KIF26B: variants seen among roughly 807,000 people sequenced by gnomAD.
KIF26B encodes the protein kinesin family member 26B, also known as kinesin-like protein KIF26B.
Under a neutral mutation model 151.2 loss-of-function variants are expected in KIF26B, and 63 were observed. That is an observed-to-expected ratio of 0.42 (90% CI 0.34 to 0.51). The LOEUF is 0.51. KIF26B is among the 20% of genes least tolerant of loss of function. The pLI, the probability that KIF26B is intolerant of heterozygous loss-of-function variation, is 0.07. For missense variants in KIF26B, 2,813 were observed against 2,913.6 expected, an observed-to-expected ratio of 0.97 and a Z score of 0.79; for synonymous variants, 1,357 against 1,262.1, an observed-to-expected ratio of 1.08 and a Z score of -1.59.
intron 2 of KIF26B, among the ~76,000 whole-genome samples, chr1:245,283,833 G>A (rs867411030): frequency 7.9e-5 from 12 of 152,040 alleles, no homozygotes; most frequent in Non-Finnish European, 1.5e-4. Context: ...GACTACAGGT[G>A]CCCACCACCA....
At chr1:245,171,864 C>T (rs533349917) in intron 2 of KIF26B, among the ~76,000 whole-genome samples, 1 of 152,264 alleles carries the variant, frequency 6.6e-6, no homozygotes, top group East Asian at 1.9e-4. Flanking sequence ...GGTTTCCTCG[C>T]TTGCACGATG....
chr1:245,415,405 A>G (rs931051284), intron 3 of KIF26B, among the ~76,000 whole-genome samples: 2 of 152,104 alleles, frequency 1.3e-5, no homozygotes, highest in Non-Finnish European at 2.9e-5. Flanking sequence ...GAGGATTTGC[A>G]GGGCTGAGGA....
intron 2 of KIF26B, among the ~76,000 whole-genome samples, chr1:245,361,820 G>A (rs1009531981): frequency 1.3e-5 from 2 of 152,088 alleles, no homozygotes; most frequent in African/African-American, 4.8e-5. Context: ...TCCAGAATGC[G>A]CTGTGCTTGT....
intron 4 of KIF26B, among the ~76,000 whole-genome samples, chr1:245,424,660 A>T (rs1277927383): frequency 6.6e-6 from 1 of 152,242 alleles, no homozygotes; most frequent in African/African-American, 2.4e-5. Context: ...TGTGATAAGT[A>T]TAGAAATGGA....
At chr1:245,498,077 A>G (rs1317812627) in intron 4 of KIF26B, among the ~76,000 whole-genome samples, 1 of 152,238 alleles carries the variant, frequency 6.6e-6, no homozygotes, top group Non-Finnish European at 1.5e-5. Context: ...ATTTTTCAAC[A>G]TTCAAACATC....
chr1:245,693,293 T>G (rs1370690009), intron 12 of KIF26B, among the ~76,000 whole-genome samples: 1 of 152,126 alleles, frequency 6.6e-6, no homozygotes, highest in Non-Finnish European at 1.5e-5. Flanking sequence ...CAGGGAAGCA[T>G]GGAGGTTCTG....
At chr1:245,672,819 G>C (rs907542813) in intron 10 of KIF26B, among the ~76,000 whole-genome samples, 1 of 152,136 alleles carries the variant, frequency 6.6e-6, no homozygotes. Flanking sequence ...AGGGATAAGA[G>C]AGTCACTGAA....
At chr1:245,366,475 G>A (rs1157167419) in intron 2 of KIF26B, among the ~76,000 whole-genome samples, 1 of 150,924 alleles carries the variant, frequency 6.6e-6, no homozygotes, top group Non-Finnish European at 1.5e-5. Context: ...AGGTTGCAGT[G>A]AGCCGAGATC....
Position 245,251,823 on chromosome 1 carries a change from G to T in KIF26B, c.465+95140G>T, listed in dbSNP as rs1670450180. ...AATAGCATAAATTGTCCCCTGCCTT[G>T]TCTTATTGATTCTTGGCTCTTATGA... is the stretch of plus-strand genomic sequence containing the variant. On this transcript the variant is annotated intron_variant, in intron 2 of 14. Transcript: ENST00000407071. 3.9e-5 allele frequency among the ~76,000 whole-genome samples: 6 copies of T among 151,938 alleles called. No homozygotes were observed. The South Asian group carries it at 1.2e-3, about 31-fold the overall frequency.
intron 4 of KIF26B, among the ~76,000 whole-genome samples, chr1:245,455,301 C>A (rs562101016): frequency 1.3e-5 from 2 of 152,180 alleles, no homozygotes; most frequent in Non-Finnish European, 2.9e-5. Flanking sequence ...GTCAAGAGAT[C>A]GAGACCATCC....
chr1:245,538,424 G>A (rs939317006), intron 4 of KIF26B, among the ~76,000 whole-genome samples: 3 of 152,060 alleles, frequency 2.0e-5, no homozygotes, highest in South Asian at 2.1e-4. Flanking sequence ...ATCTAGTAGC[G>A]TGAAAGTTTG....
chr1:245,173,175 G>T (rs12058234), intron 2 of KIF26B, among the ~76,000 whole-genome samples: 3,737 of 152,302 alleles, frequency 0.025, 152 homozygotes, highest in African/African-American at 0.085. Context: ...TGATTCTGGT[G>T]ATATGAGATA....
chr1:245,280,597 G>GGT (rs1558373175), intron 2 of KIF26B, among the ~76,000 whole-genome samples: 77 of 104,372 alleles, frequency 7.4e-4, no homozygotes, highest in African/African-American at 1.0e-3. Flanking sequence ...GGAAGTTTTC[G>GGT]TTTTTTTTTT....
chr1:245,493,288 A>G (rs1437083978), intron 4 of KIF26B, among the ~76,000 whole-genome samples: 2 of 152,206 alleles, frequency 1.3e-5, no homozygotes, highest in African/African-American at 4.8e-5. Flanking sequence ...CAGTTAGTCA[A>G]GCAGAGAAAA....
chr1:245,632,664 T>C (rs531628155), intron 9 of KIF26B, among the ~76,000 whole-genome samples: 1 of 152,276 alleles, frequency 6.6e-6, no homozygotes, highest in East Asian at 1.9e-4. Flanking sequence ...TCCCAGCACT[T>C]TGGAAGGCCA....
At chr1:245,446,578 C>T (rs1659255512) in intron 4 of KIF26B, among the ~76,000 whole-genome samples, 1 of 152,126 alleles carries the variant, frequency 6.6e-6, no homozygotes, top group African/African-American at 2.4e-5. Flanking sequence ...TTTTTAGCCC[C>T]CAAGGCCATC....
intron 4 of KIF26B, among the ~76,000 whole-genome samples, chr1:245,462,796 G>A (rs1297581693): frequency 6.6e-6 from 1 of 152,140 alleles, no homozygotes; most frequent in Non-Finnish European, 1.5e-5. Flanking sequence ...TGACTTTAGA[G>A]GCTGTGCCCT....
chr1:245,390,178 T>G (rs909834227), intron 3 of KIF26B, among the ~76,000 whole-genome samples: 6 of 151,268 alleles, frequency 4.0e-5, no homozygotes, highest in African/African-American at 1.5e-4. Context: ...TTGGAGGGTT[T>G]TTTTTTTTTT....
rs551503049 is a variant in KIF26B, at chr1:245,508,716, C to T, written c.1167-32051C>T. On this transcript the variant is annotated intron_variant, in intron 4 of 14. Transcript: ENST00000407071. ...TTCGCTCTTACTTTGAGCAGCTTAT[C>T]TCTGTTTAGGCGATTTCTTTGTCAC... 1.6e-4 allele frequency among the ~76,000 whole-genome samples: 24 copies of T among 152,266 alleles called. No individual in the cohort carries two copies. In the South Asian group the frequency reaches 3.7e-3, roughly 24 times the overall value.
Sources: allele counts gnomAD v4.1 joint callset (sites outside exome capture counted in the v4.1 genomes callset), GRCh38; gene constraint gnomAD v4.1.1; transcripts MANE v1.5; gene names NCBI Gene and HGNC (gene_info 2026-07-23, HGNC 2026-07-21).